Variants in CACNA2D3 observed in about 807,000 individuals in gnomAD.
CACNA2D3 encodes calcium voltage-gated channel auxiliary subunit alpha2delta 3.
Under a neutral mutation model 160.6 loss-of-function variants are expected in CACNA2D3, and 60 were observed. The ratio of observed to expected loss-of-function variants is 0.37; its 90% confidence interval spans 0.30 to 0.46. The LOEUF (loss-of-function observed/expected upper bound fraction) is 0.46. Among genes scored for constraint, CACNA2D3 ranks in the 20% least tolerant of loss-of-function variants. The pLI, the probability that CACNA2D3 is intolerant of heterozygous loss-of-function variation, is 1.00. For missense variants in CACNA2D3, 1,205 were observed against 1,365.0 expected, an observed-to-expected ratio of 0.88 and a Z score of 1.85; for synonymous variants, 558 against 492.9, an observed-to-expected ratio of 1.13 and a Z score of -1.75.
intron 11 of CACNA2D3, among the ~76,000 whole-genome samples, chr3:54,709,986 A>G (rs1008576216): frequency 6.6e-6 from 1 of 152,118 alleles, no homozygotes; most frequent in Admixed American, 6.5e-5. Context: ...CAAAACAACA[A>G]CAACAAAAGT....
chr3:55,012,326 T>A (rs985705749), intron 34 of CACNA2D3, among the ~76,000 whole-genome samples: 3 of 152,082 alleles, frequency 2.0e-5, no homozygotes, highest in Non-Finnish European at 4.4e-5. Flanking sequence ...CCGAAATGTC[T>A]GGTTATTTCT....
At chr3:54,703,009 T>C (rs997290868) in intron 11 of CACNA2D3, among the ~76,000 whole-genome samples, 7 of 152,258 alleles carry the variant, frequency 4.6e-5, no homozygotes, top group African/African-American at 1.7e-4. Flanking sequence ...TTTTCATTTA[T>C]AAGTGGGAGC....
intron 4 of CACNA2D3, among the ~76,000 whole-genome samples, chr3:54,450,586 C>A (rs1162228281): frequency 6.6e-6 from 1 of 152,050 alleles, no homozygotes; most frequent in Non-Finnish European, 1.5e-5. Context: ...ATTATTAGTT[C>A]TGGTGAGTGC....
At chr3:55,013,375 C>T (rs1575435661) in intron 34 of CACNA2D3, among the ~76,000 whole-genome samples, 1 of 152,284 alleles carries the variant, frequency 6.6e-6, no homozygotes, top group South Asian at 2.1e-4. Context: ...CAGCCCTCTG[C>T]TGGGCATCAA....
intron 3 of CACNA2D3, among the ~76,000 whole-genome samples, chr3:54,365,258 G>A (rs891144718): frequency 1.3e-5 from 2 of 152,164 alleles, no homozygotes; most frequent in Non-Finnish European, 2.9e-5. Flanking sequence ...GGCTCAAGAC[G>A]CTCCACTCTG....
At chr3:54,924,535 C>G in intron 27 of CACNA2D3, 1 of 1,165,768 alleles carries the variant, frequency 8.6e-7, no homozygotes, top group Non-Finnish European at 1.2e-6. Flanking sequence ...CACTCCTCCA[C>G]ATTCTTTCTA....
At chr3:54,149,929 C>T (rs1700112172) in intron 2 of CACNA2D3, among the ~76,000 whole-genome samples, 1 of 53,990 alleles carries the variant, frequency 1.9e-5, no homozygotes, top group African/African-American at 1.0e-4. Flanking sequence ...CTCTCTCTCT[C>T]TCCCTCCCTC....
At chr3:54,935,734 T>A (rs1398221015) in intron 27 of CACNA2D3, among the ~76,000 whole-genome samples, 1 of 152,254 alleles carries the variant, frequency 6.6e-6, no homozygotes, top group Non-Finnish European at 1.5e-5. Context: ...TTACAATGTA[T>A]GTTTCATATT....
rs112367994 is a variant in CACNA2D3, at chr3:54,904,989, G to A, written c.2449+5121G>A. Among the ~76,000 whole-genome samples, 594 of 152,254 alleles carry A rather than the reference G, an allele frequency of 3.9e-3. 6 individuals carry two copies. The highest frequency in any genetic ancestry group is 0.013 in the African/African-American group (544 of 41,542). ...TCAGTAGATGTCTTTTCTGAGGTCC[G>A]GGCATCTAAGGTGATGCTTAGAATA... is the stretch of plus-strand genomic sequence containing the variant. On this transcript the variant is annotated intron_variant, in intron 27 of 37. Transcript: ENST00000474759.
At chr3:54,717,193 TG>T (rs1436180227) in intron 11 of CACNA2D3, among the ~76,000 whole-genome samples, 1 of 152,162 alleles carries the variant, frequency 6.6e-6, no homozygotes, top group Non-Finnish European at 1.5e-5. Flanking sequence ...TGTAGTACTC[TG>T]GTATGGACAT....
At chr3:54,931,253 G>A (rs1225275920) in intron 27 of CACNA2D3, among the ~76,000 whole-genome samples, 1 of 152,202 alleles carries the variant, frequency 6.6e-6, no homozygotes, top group African/African-American at 2.4e-5. Context: ...TCTGCTTACT[G>A]CCCAAGGGGT....
chr3:54,609,071 G>A (rs772196383), intron 9 of CACNA2D3, among the ~76,000 whole-genome samples: 81 of 152,310 alleles, frequency 5.3e-4, no homozygotes, highest in Middle Eastern at 3.4e-3. Flanking sequence ...AATCTTTAAT[G>A]TGTATTTGGA....
intron 2 of CACNA2D3, among the ~76,000 whole-genome samples, chr3:54,313,315 A>T (rs994067200): frequency 1.3e-5 from 2 of 151,942 alleles, no homozygotes; most frequent in Non-Finnish European, 2.9e-5. Context: ...TCTGCCTCTT[A>T]TGGCCCTTCC....
At position 54,798,280 on chromosome 3, in the gene CACNA2D3, A is replaced by T. The variant is rs533708632; in HGVS notation, c.1381-18573A>T. Among the ~76,000 whole-genome samples the T allele has an allele frequency of 2.0e-5, 3 of 152,258 alleles. No homozygotes were observed. In the East Asian group the frequency reaches 5.8e-4, roughly 29 times the overall value. On this transcript the variant is annotated intron_variant, in intron 13 of 37. Transcript: ENST00000474759. Reference sequence around the variant, plus strand: ...CTGGGCATGGTGGCCCACACCTGTAATCCCAGCACTTTGGGAGGCTGAGGC... The same window carrying T: ...CTGGGCATGGTGGCCCACACCTGTATTCCCAGCACTTTGGGAGGCTGAGGC...
chr3:54,279,825 T>C (rs574648323), intron 2 of CACNA2D3, among the ~76,000 whole-genome samples: 1 of 152,296 alleles, frequency 6.6e-6, no homozygotes, highest in African/African-American at 2.4e-5. Flanking sequence ...CAACTCCATG[T>C]GGTTGGTAGA....
At chr3:55,013,512 A>G (rs1157801846) in intron 34 of CACNA2D3, among the ~76,000 whole-genome samples, 1 of 152,222 alleles carries the variant, frequency 6.6e-6, no homozygotes, top group Non-Finnish European at 1.5e-5. Context: ...CAGCGTAAGG[A>G]GGGAAATGTT....
chr3:54,350,986 G>GTTTTTTTTTTTTTTTTTTTTTTTTTTTTT (rs796392854), intron 3 of CACNA2D3, among the ~76,000 whole-genome samples: 4 of 65,952 alleles, frequency 6.1e-5, no homozygotes, highest in Non-Finnish European at 9.0e-5. Flanking sequence ...TTTTTTGTTT[G>GTTTTTTTTTTTTTTTTTTTTTTTTTTTTT]TTTTTTTTTT....
intron 31 of CACNA2D3, among the ~76,000 whole-genome samples, chr3:54,994,360 CATGTA>C (rs1702810424): frequency 6.6e-6 from 1 of 152,196 alleles, no homozygotes; most frequent in African/African-American, 2.4e-5. Context: ...CTCAACAACT[CATGTA>C]ATGAGTGTAA....
chr3:54,330,934 A>T (rs1704235346), intron 3 of CACNA2D3, among the ~76,000 whole-genome samples: 3 of 152,180 alleles, frequency 2.0e-5, no homozygotes, highest in Admixed American at 2.0e-4. Flanking sequence ...CTCTGAGACC[A>T]GATTTGGTAG....
Sources: gnomAD v4.1 joint callset for allele counts (sites outside exome capture counted in the v4.1 genomes callset) on GRCh38, gnomAD v4.1.1 for gene constraint, MANE v1.5 for transcripts, NCBI Gene and HGNC (gene_info 2026-07-23, HGNC 2026-07-21) for gene names.